The following AFF1 variants were observed in gnomAD, a reference collection of about 807,000 sequenced individuals.
AFF1 encodes the protein AF4/FMR2 family member 1.
A neutral mutation model predicts 121.7 loss-of-function variants in AFF1; 48 were observed. The observed-to-expected ratio is 0.39, with a 90% CI of 0.31 to 0.50. AFF1 has a LOEUF of 0.50. Among genes scored for constraint, AFF1 ranks in the 20% least tolerant of loss-of-function variants. AFF1 has a pLI of 0.76. For missense variants in AFF1, 1,523 were observed against 1,511.7 expected, an observed-to-expected ratio of 1.01 and a Z score of -0.12; for synonymous variants, 613 against 563.0, an observed-to-expected ratio of 1.09 and a Z score of -1.26.
At chr4:87,111,012 A>ATTTTATTTTTTTTTTTTTTTT (rs1344382644) in intron 11 of AFF1, among the ~76,000 whole-genome samples, 1 of 29,278 alleles carries the variant, frequency 3.4e-5, no homozygotes. Flanking sequence ...TTTTTTTTTT[A>ATTTTATTTTTTTTTTTTTTTT]TTTTTTTTTT....
At chr4:87,107,078 C>T (rs985003414) in intron 10 of AFF1, among the ~76,000 whole-genome samples, 8 of 112,918 alleles carry the variant, frequency 7.1e-5, no homozygotes, top group Non-Finnish European at 1.2e-4. Context: ...CACTGGCTTA[C>T]GCTCTTCAGC....
Position 87,134,490 on chromosome 4 carries a change from CCT to C in AFF1, c.3334_3335del (p.Leu1112PhefsTer53), listed in dbSNP as rs752735574. ...CIARSTGTPS[P>X]LSPMPSPASS... is the part of the protein sequence containing the mutation. ...TCCCAGAAGCACAGGCACACCATCC[CCT>C]CTTTCCCCAATGCCTTCTCCTGCCA... On this transcript the variant is annotated frameshift_variant, in exon 20 of 21. Coordinates refer to ENST00000395146, the MANE Select transcript of AFF1 (RefSeq NM_001166693.3). LOFTEE classifies it high-confidence loss of function. The C allele has an allele frequency of 1.2e-6, 2 of 1,605,930 alleles. No homozygotes were observed. Among genetic ancestry groups the C allele is most frequent in the Non-Finnish European group, 1.7e-6 (2 of 1,176,186 alleles).
In AFF1 at chr4:87,115,007, G is replaced by A. The variant is rs1726947594; in HGVS notation, c.2174G>A (p.Gly725Asp). The change falls in exon 12 of 21, where the codon GGC (glycine) becomes GAC (aspartate). Residue 725 changes from glycine (G) to aspartate (D), a missense_variant. Gly to Asp is a moderately conservative substitution (Grantham distance 94). Coordinates refer to ENST00000395146, the MANE Select transcript of AFF1 (RefSeq NM_001166693.3). ...ESQGPPHSGS[G>D]SRTSGCRQAV... The stretch of plus-strand genomic sequence containing the variant: ...CAGGGCCCACCCCACAGTGGCAGCG[G>A]CAGCAGGACTAGTGGCTGCCGCCAA... 6.2e-7 allele frequency: 1 copy of A among 1,613,772 alleles called. No homozygotes were observed. Among genetic ancestry groups the A allele is most frequent in the Non-Finnish European group, 8.5e-7 (1 of 1,179,908 alleles).
chr4:86,994,430 C>T (rs1724958131), intron 2 of AFF1, among the ~76,000 whole-genome samples: 1 of 152,150 alleles, frequency 6.6e-6, no homozygotes, highest in African/African-American at 2.4e-5. Context: ...GATCAGAGTC[C>T]ACTGATTGTG....
chr4:87,101,978 A>T (rs1157537412), intron 8 of AFF1, among the ~76,000 whole-genome samples: 2 of 152,246 alleles, frequency 1.3e-5, no homozygotes, highest in Non-Finnish European at 2.9e-5. Flanking sequence ...ACTTGTCTTT[A>T]TGTCTTCACA....
At chr4:87,007,261 G>A (rs1726235794) in intron 2 of AFF1, 12 of 1,510,068 alleles carry the variant, frequency 7.9e-6, no homozygotes, top group Non-Finnish European at 1.1e-5. Flanking sequence ...CCCGGGGCTC[G>A]AGAGCAGGTA....
intron 2 of AFF1, among the ~76,000 whole-genome samples, chr4:87,012,220 G>T (rs12500905): frequency 0.76 from 92,763 of 122,474 alleles, 32,198 homozygotes; most frequent in African/African-American, 0.77. Flanking sequence ...TTCATTTCTT[G>T]TTTTTTTTTT....
chr4:87,071,190 T>A (rs900930943), intron 4 of AFF1, among the ~76,000 whole-genome samples: 10 of 151,334 alleles, frequency 6.6e-5, no homozygotes, highest in Non-Finnish European at 1.0e-4. Flanking sequence ...TTTTTTTTTT[T>A]AAATACAGGG....
chr4:87,131,295 C>T lies in AFF1; in HGVS notation c.3101+76C>T. On this transcript the variant is annotated intron_variant, in intron 17 of 20. Transcript: ENST00000395146. Reference sequence around the variant, plus strand: ...CTTTATTGTTTTAATCCATTTGAACCTTAGTGTGAAGATGGCTCAATAAAG... The same window carrying T: ...CTTTATTGTTTTAATCCATTTGAACTTTAGTGTGAAGATGGCTCAATAAAG... The T allele has an allele frequency of 1.3e-6, 2 of 1,557,348 alleles. 1 individual carries two copies. The highest frequency in any genetic ancestry group is 1.7e-6 in the Non-Finnish European group (2 of 1,147,126).
At chr4:87,072,227 G>A (rs1418191576) in intron 4 of AFF1, among the ~76,000 whole-genome samples, 1 of 151,888 alleles carries the variant, frequency 6.6e-6, no homozygotes, top group South Asian at 2.1e-4. Flanking sequence ...GCTGGGCCTG[G>A]TGGCGGGCGC....
intron 5 of AFF1, among the ~76,000 whole-genome samples, chr4:87,085,751 C>CT (rs200938461): frequency 0.071 from 9,850 of 139,016 alleles, 1,106 homozygotes; most frequent in African/African-American, 0.24. Context: ...AGAAACATAC[C>CT]TTTTTTTTTT....
intron 4 of AFF1, among the ~76,000 whole-genome samples, chr4:87,066,856 A>T (rs1390780105): frequency 6.6e-6 from 1 of 152,222 alleles, no homozygotes; most frequent in Non-Finnish European, 1.5e-5. Context: ...TAGAGCCAGG[A>T]TCCCAGCATT....
intron 2 of AFF1, among the ~76,000 whole-genome samples, chr4:86,951,615 C>CTTTTTTTTTTTTTTTTT (rs748093135): frequency 9.6e-5 from 12 of 124,942 alleles, no homozygotes; most frequent in African/African-American, 1.7e-4. Flanking sequence ...TTTCTTTTTT[C>CTTTTTTTTTTTTTTTTT]TTTTTTTCTT....
Position 87,131,836 on chromosome 4 carries a change from A to G in AFF1, c.3145A>G (p.Thr1049Ala). ...LKSFSDATAPTQEKIFAVLCM... is the reference protein window; with the variant it reads ...LKSFSDATAPAQEKIFAVLCM... ...ATCCTTCTCAGATGCCACAGCGCCA[A>G]CACAAGAGAAAATATTTGCTGTTTT... The change falls in exon 18 of 21, where the codon ACA (threonine) becomes GCA (alanine). Residue 1049 changes from threonine to alanine, a missense_variant. This residue lies in a region of AFF1 where 241 missense variants were observed against 265.2 expected (regional missense o/e 0.91). Coordinates refer to ENST00000395146, the MANE Select transcript of AFF1 (RefSeq NM_001166693.3). 6.3e-7 allele frequency: 1 copy of G among 1,590,654 alleles called. No homozygotes were observed. The highest frequency in any genetic ancestry group is 8.5e-7 in the Non-Finnish European group (1 of 1,173,828).
At chr4:87,122,680 C>T (rs1412115838) in intron 12 of AFF1, among the ~76,000 whole-genome samples, 1 of 151,970 alleles carries the variant, frequency 6.6e-6, no homozygotes, top group South Asian at 2.1e-4. Flanking sequence ...ATGTTTTTAT[C>T]TTATCTAAGC....
chr4:87,134,432 G>T, intron 19 of AFF1, 39 bp from the exon 20 acceptor site: 9 of 1,525,086 alleles, frequency 5.9e-6, no homozygotes, highest in South Asian at 2.5e-5. Context: ...GTCTACTGGT[G>T]ACTGACTGAT....
chr4:87,100,549 CT>C, intron 8 of AFF1, among the ~76,000 whole-genome samples: 1 of 152,176 alleles, frequency 6.6e-6, no homozygotes, highest in South Asian at 2.1e-4. Flanking sequence ...CTCTTTTATC[CT>C]TTTCCCTCCA....
chr4:87,062,209 C>T (rs1440001401), intron 4 of AFF1, among the ~76,000 whole-genome samples: 1 of 152,148 alleles, frequency 6.6e-6, no homozygotes, highest in African/African-American at 2.4e-5. Context: ...TTATTTCTCG[C>T]AGTTTTAGAG....
At chr4:86,995,954 C>T (rs1725137242) in intron 2 of AFF1, among the ~76,000 whole-genome samples, 2 of 151,354 alleles carry the variant, frequency 1.3e-5, no homozygotes, top group African/African-American at 4.9e-5. Context: ...AGCGTCTCTG[C>T]CCGGCCGCCC....
Sources: gnomAD v4.1 joint callset for allele counts (sites outside exome capture counted in the v4.1 genomes callset) on GRCh38, gnomAD v4.1.1 for gene constraint, gnomAD v4.1.1 regional missense constraint, MANE v1.5 for transcripts, NCBI Gene and HGNC (gene_info 2026-07-23, HGNC 2026-07-21) for gene names.